Variants in MED24 observed in about 807,000 individuals in gnomAD.
MED24 encodes the protein mediator complex subunit 24.
A neutral mutation model predicts 118.8 loss-of-function variants in MED24; 74 were observed. The ratio of observed to expected loss-of-function variants is 0.62; its 90% CI spans 0.52 to 0.76. MED24 has a LOEUF of 0.76. Among genes scored for constraint, MED24 ranks in the 30% least tolerant of loss-of-function variants. The pLI, the probability that MED24 is intolerant of heterozygous loss-of-function variation, is 0.00. For missense variants in MED24, 1,041 were observed against 1,278.9 expected (o/e 0.81, Z 2.84); for synonymous variants, 521 against 523.9 (o/e 0.99, Z 0.08).
At chr17:40,035,585 GT>G in intron 5 of MED24, 136 bp downstream of exon 5, 1 of 959,626 alleles carries the variant, frequency 1.0e-6, no homozygotes, top group African/African-American at 1.6e-5. Context: ...GAGGGCACAG[GT>G]AAGTGTAGAT....
chr17:40,053,138 T>C (rs1986022562), intron 3 of MED24, among the ~76,000 whole-genome samples, 160 bp downstream of exon 3: 1 of 151,608 alleles, frequency 6.6e-6, no homozygotes, highest in African/African-American at 2.4e-5. Flanking sequence ...TTTTGCCATG[T>C]TACGCAGGCT....
chr17:40,039,781 ATTTTTTT>A (rs869107070), intron 3 of MED24, among the ~76,000 whole-genome samples: 1 of 127,690 alleles, frequency 7.8e-6, no homozygotes, highest in Non-Finnish European at 1.7e-5. Context: ...ACCATGCTTA[ATTTTTTT>A]TTTTTTTTTT....
chr17:40,023,544 T>C lies in MED24; in HGVS notation c.1986-149A>G, dbSNP rs370930299. 8 of 724,922 alleles carry C rather than the reference T, an allele frequency of 1.1e-5. No individual in the cohort carries two copies. The East Asian group carries it at 1.9e-4, about 18-fold the overall frequency. The allele number at this position is 724,922 out of a possible 1,614,324, so 44.9% of individuals were successfully genotyped here. ...CCCAGTTTTGCGCTGGGGGACGGTA[T>C]ACCCCGGGGTGACCTGGCCCCTGCT... On this transcript the variant is annotated intron_variant, in intron 19 of 25. Coordinates refer to ENST00000394128, the MANE Select transcript of MED24 (RefSeq NM_014815.4).
Position 40,023,366 on chromosome 17 carries a change from C to G in MED24, c.2015G>C (p.Arg672Pro). The change falls in exon 20 of 26, where the codon CGC (arginine) becomes CCC (proline). Residue 672 changes from arginine (R) to proline (P), a missense_variant. This residue lies in a region of MED24 where 587 missense variants were observed against 694.4 expected (regional missense o/e 0.85). Coordinates refer to ENST00000394128, the MANE Select transcript of MED24 (RefSeq NM_014815.4). The stretch of plus-strand genomic sequence containing the variant: ...CTGCTGCAGCACGTCGGCACACATG[C>G]GCTCCAGGATCGAGTTCATGATCAC... ...RVVIMNSILERMCADVLQQTA... is the reference protein window; with the variant it reads ...RVVIMNSILEPMCADVLQQTA... 7 of 1,607,682 alleles carry G rather than the reference C, an allele frequency of 4.4e-6. No homozygotes were observed. The highest frequency in any genetic ancestry group is 5.1e-6 in the Non-Finnish European group (6 of 1,176,384).
Position 40,031,544 on chromosome 17 carries a change from C to T in MED24, c.1061G>A (p.Arg354His), listed in dbSNP as rs775344170. ...LTPLLDKADQ[R>H]CNCDCTNFLL... ...TGACCAGGGGAGCTCATACTTGCAG[C>T]GCTGGTCAGCTTTGTCCAACAAGGG... The change falls in exon 11 of 26, where the codon CGC becomes CAC. Residue 354 changes from arginine (R) to histidine (H), a missense_variant. By Grantham distance (29) the Arg-to-His change is conservative (BLOSUM62 0). Around this residue, in one of 3 missense-constraint regions of MED24, gnomAD observed 434 missense variants for 514.9 expected, o/e 0.84. Transcript: ENST00000394128. The T allele has an allele frequency of 6.2e-6, 10 of 1,613,814 alleles. No individual in the cohort carries two copies. Among genetic ancestry groups the T allele is most frequent in the African/African-American group, 2.7e-5 (2 of 74,914 alleles).
At chr17:40,049,886 A>T (rs1985636541) in intron 3 of MED24, among the ~76,000 whole-genome samples, 1 of 151,538 alleles carries the variant, frequency 6.6e-6, no homozygotes, top group Admixed American at 6.6e-5. Flanking sequence ...GTGGTGGCTC[A>T]AGCCTGTAAT....
chr17:40,020,214 T>G, intron 24 of MED24, 59 bp downstream of exon 24: 5 of 1,419,782 alleles, frequency 3.5e-6, no homozygotes, highest in African/African-American at 1.4e-5. Flanking sequence ...CCAGCCTCCA[T>G]GAGAAGAGAG....
At chr17:40,053,005 C>T (rs1420065030) in intron 3 of MED24, among the ~76,000 whole-genome samples, 1 of 152,142 alleles carries the variant, frequency 6.6e-6, no homozygotes, top group Non-Finnish European at 1.5e-5. Flanking sequence ...AGGATCATGG[C>T]TCATTGCAGT....
chr17:40,042,911 G>A (rs1377547695), intron 3 of MED24, among the ~76,000 whole-genome samples: 1 of 152,104 alleles, frequency 6.6e-6, no homozygotes, highest in East Asian at 1.9e-4. Context: ...GTCCAGTGTT[G>A]GCAGAAATTA....
At chr17:40,027,700 G>T (rs763513977) in intron 15 of MED24, 13 of 675,490 alleles carry the variant, frequency 1.9e-5, no homozygotes, top group Non-Finnish European at 3.0e-5. Flanking sequence ...AGGGATGAGG[G>T]GGGGAAGGAG....
intron 5 of MED24, 134 bp downstream of exon 5, chr17:40,035,588 A>C (rs1193453291): frequency 3.1e-6 from 3 of 965,682 alleles, no homozygotes; most frequent in Non-Finnish European, 4.7e-6. Flanking sequence ...GGCACAGGTA[A>C]GTGTAGATGG....
chr17:40,020,525 C>T, intron 23 of MED24, 172 bp from the exon 24 acceptor site: 2 of 1,459,646 alleles, frequency 1.4e-6, no homozygotes, highest in South Asian at 1.2e-5. Context: ...CAGTGGCTCA[C>T]ACCTGTAATC....
chr17:40,024,846 C>G (rs1982456416), intron 19 of MED24, among the ~76,000 whole-genome samples: 1 of 152,140 alleles, frequency 6.6e-6, no homozygotes. Flanking sequence ...AGCAATTCTC[C>G]TGTCTCAGCC....
intron 3 of MED24, 29 bp from the exon 4 acceptor site, chr17:40,036,183 A>G (rs1983912408): frequency 6.3e-7 from 1 of 1,595,430 alleles, no homozygotes; most frequent in South Asian, 1.1e-5. Flanking sequence ...GATAATCTTT[A>G]GACAACTAGT....
In MED24 at chr17:40,019,869, G is replaced by A. The variant is rs1056343446; in HGVS notation, c.2769C>T (p.Phe923=). The A allele has an allele frequency of 4.4e-6, 7 of 1,589,376 alleles. No homozygotes were observed. The highest frequency in any genetic ancestry group is 4.3e-6 in the Non-Finnish European group (5 of 1,167,342). Residue 923 remains phenylalanine, a synonymous_variant, in exon 25 of 26, where the codon TTC becomes TTT. Transcript: ENST00000394128. ...CACACTCCTCCATGAACCACTGCAC[G>A]AACTGGGTGTGGGGGCCAGCGGTGC... ...GSRTAGPHTQ[F]VQWFMEECVD...
intron 17 of MED24, 48 bp downstream of exon 17, chr17:40,026,808 G>A (rs1365219009): frequency 1.2e-6 from 2 of 1,610,922 alleles, no homozygotes; most frequent in African/African-American, 2.7e-5. Context: ...AGCGGGTCTT[G>A]ACCCTGCCCC....
In MED24 at chr17:40,031,256, G is replaced by A. The variant is rs1461878507; in HGVS notation, c.1068-11C>T. 6.4e-7 allele frequency: 1 copy of A among 1,558,942 alleles called. No individual in the cohort carries two copies. Among genetic ancestry groups the A allele is most frequent in the Non-Finnish European group, 8.7e-7 (1 of 1,150,296 alleles). On this transcript the variant is annotated splice_polypyrimidine_tract_variant and intron_variant, in intron 11 of 25. Transcript: ENST00000394128. ...TTTGTACAGTCACAGCTGTGAGGGA[G>A]AAAGATGCTGAGGGAACTGGGCACC...
At chr17:40,035,963 G>T in intron 4 of MED24, 153 bp downstream of exon 4, 1 of 1,099,414 alleles carries the variant, frequency 9.1e-7, no homozygotes, top group Non-Finnish European at 1.4e-6. Context: ...GCCCCTACTT[G>T]CCAGGATCCC....
intron 1 of MED24, chr17:40,054,066 G>A (rs530993224): frequency 8.5e-6 from 2 of 235,080 alleles, no homozygotes; most frequent in South Asian, 5.9e-5. Context: ...GGAGGCGGAG[G>A]TTGTTGGGGT....
Sources: gnomAD v4.1 joint callset for allele counts (sites outside exome capture counted in the v4.1 genomes callset) on GRCh38, gnomAD v4.1.1 for gene constraint, gnomAD v4.1.1 regional missense constraint, MANE v1.5 for transcripts, NCBI Gene and HGNC (gene_info 2026-07-23, HGNC 2026-07-21) for gene names.